ZNF229: variants seen among roughly 807,000 people sequenced by gnomAD.
ZNF229 encodes zinc finger protein 229.
In ZNF229, 10 loss-of-function variants were observed where a neutral mutation model predicts 11.8. That is an observed-to-expected ratio of 0.85 (90% confidence interval 0.52 to 1.44). The LOEUF is 1.44. Ranked by LOEUF, ZNF229 falls within the 40% of genes most tolerant of loss-of-function variation. The probability of loss-of-function intolerance (pLI) is 0.00; values close to 1 mark genes in which losing one functional copy is unlikely to be tolerated. For missense variants in ZNF229, 1,045 were observed against 1,015.1 expected (o/e 1.03, Z -0.40); for synonymous variants, 368 against 374.8 (o/e 0.98, Z 0.21).
chr19:44,430,329 A>G lies in ZNF229; in HGVS notation c.452T>C (p.Phe151Ser), dbSNP rs1568403042. Residue 151 changes from phenylalanine to serine, a missense_variant, in exon 6 of 6, where the codon TTT becomes TCT. Coordinates refer to ENST00000614049, the MANE Select transcript of ZNF229 (RefSeq NM_014518.4). ...QGWEGASTPC[F>S]PIENFLDSLQ... is the part of the protein sequence containing the mutation. ...ACTGTCCAGGAAATTCTCAATTGGA[A>G]AACACGGCGTAGATGCTCCTTCCCA... 1.9e-6 allele frequency: 3 copies of G among 1,614,048 alleles called. No individual in the cohort carries two copies. Among genetic ancestry groups the G allele is most frequent in the Middle Eastern group, 1.7e-4 (1 of 6,060 alleles).
In ZNF229 at chr19:44,429,570, G is replaced by A. The variant is rs187952648; in HGVS notation, c.1211C>T (p.Pro404Leu). 3.2e-5 allele frequency: 51 copies of A among 1,614,030 alleles called. No individual in the cohort carries two copies. The Admixed American group carries it at 3.8e-4, about 12-fold the overall frequency. The part of the protein sequence containing the change: ...VHQRVHTGEK[P>L]YKCSECGKGF... ...CTTCCCACACTCGCTGCATTTATAT[G>A]GTTTCTCTCCAGTGTGGACCCTCTG... The change falls in exon 6 of 6, where the codon CCA becomes CTA. Residue 404 changes from proline (P) to leucine (L), a missense_variant. Transcript: ENST00000614049.
chr19:44,430,150 T>C lies in ZNF229; in HGVS notation c.631A>G (p.Thr211Ala). ...ERCKNLDTEDTVYKCNWDDDS... is the reference protein window; with the variant it reads ...ERCKNLDTEDAVYKCNWDDDS... ...TCATCCCAGTTACATTTATATACTG[T>C]GTCTTCTGTGTCGAGATTTTTACAT... Residue 211 changes from threonine (T) to alanine (A), a missense_variant, in exon 6 of 6, where the codon ACA becomes GCA. Physicochemically the swap from Thr to Ala is moderately conservative, Grantham distance 58. Transcript: ENST00000614049. 1.9e-6 allele frequency: 3 copies of C among 1,614,144 alleles called. No homozygotes were observed. Among genetic ancestry groups the C allele is most frequent in the Non-Finnish European group, 2.5e-6 (3 of 1,180,036 alleles).
At position 44,432,369 on chromosome 19, in the gene ZNF229, A is replaced by G; in HGVS notation, c.94-3T>C. The G allele has an allele frequency of 6.2e-7, 1 of 1,613,064 alleles. No homozygotes were observed. Among genetic ancestry groups the G allele is most frequent in the South Asian group, 1.1e-5 (1 of 90,884 alleles). On this transcript the variant is annotated splice_region_variant and splice_polypyrimidine_tract_variant and intron_variant, in intron 4 of 5. Coordinates refer to ENST00000614049, the MANE Select transcript of ZNF229 (RefSeq NM_014518.4). Reference sequence around the variant, plus strand: ...ACGTCCTTGAAGCTCAATGGCTCCTAAAATGAAAAACCATTAACACAAACA... The same window carrying G: ...ACGTCCTTGAAGCTCAATGGCTCCTGAAATGAAAAACCATTAACACAAACA...
rs1231461860 is a variant in ZNF229 at position 44,427,498 on chromosome 19, T to TTAA, written c.*804_*805insTTA. 6.6e-6 allele frequency: 1 copy of TTAA among 150,802 alleles called. No homozygotes were observed. Among genetic ancestry groups the TTAA allele is most frequent in the African/African-American group, 2.4e-5 (1 of 40,850 alleles). The allele number at this position is 150,802 out of a possible 1,614,324, so 9.3% of individuals were successfully genotyped here. The stretch of plus-strand genomic sequence containing the variant: ...GGACCATATGAAATACTATCAGTGG[T>TTAA]AAAAAAAAAGTCATTTTTTTAAAGT... On this transcript the variant is annotated 3_prime_UTR_variant, in exon 6 of 6. Coordinates refer to ENST00000614049, the MANE Select transcript of ZNF229 (RefSeq NM_014518.4).
chr19:44,435,331 A>C (rs1971794026), intron 4 of ZNF229, among the ~76,000 whole-genome samples: 1 of 152,206 alleles, frequency 6.6e-6, no homozygotes, highest in Non-Finnish European at 1.5e-5. Flanking sequence ...ACAGGAGCTG[A>C]TATACAGTGA....
In ZNF229 at chr19:44,426,756, C is replaced by G. The variant is rs1411915967; in HGVS notation, c.*1547G>C. ...AAGTGGGCAACTATCTCCCAAGTAT[C>G]AATTACTACATATTTACTGCCACTT... On this transcript the variant is annotated 3_prime_UTR_variant, in exon 6 of 6. Coordinates refer to ENST00000614049, the MANE Select transcript of ZNF229 (RefSeq NM_014518.4). 1.3e-5 allele frequency: 2 copies of G among 152,138 alleles called. No homozygotes were observed. The highest frequency in any genetic ancestry group is 2.9e-5 in the Non-Finnish European group (2 of 68,028). The allele number at this position is 152,138 out of a possible 1,614,324, so 9.4% of individuals were successfully genotyped here. A position where few individuals can be genotyped will look rare whatever the true frequency, so the allele number is the denominator to read the frequency against.
At chr19:44,440,651 C>G (rs1038916072) in intron 4 of ZNF229, among the ~76,000 whole-genome samples, 2 of 152,138 alleles carry the variant, frequency 1.3e-5, no homozygotes, top group African/African-American at 4.8e-5. Context: ...ATGACACAAC[C>G]TGTACTGAGT....
At chr19:44,439,302 T>C (rs1971867724) in intron 4 of ZNF229, among the ~76,000 whole-genome samples, 1 of 152,180 alleles carries the variant, frequency 6.6e-6, no homozygotes, top group Non-Finnish European at 1.5e-5. Context: ...TATTCAGACA[T>C]TTACATCATA....
At position 44,432,028 on chromosome 19, in the gene ZNF229, T is replaced by A. The variant is rs560405210; in HGVS notation, c.238+194A>T. 2.7e-5 allele frequency: 32 copies of A among 1,165,162 alleles called. No individual in the cohort carries two copies. The African/African-American group carries it at 4.5e-4, about 16-fold the overall frequency. The allele number at this position is 1,165,162 out of a possible 1,614,324, so 72.2% of individuals were successfully genotyped here. On this transcript the variant is annotated intron_variant, in intron 5 of 5. Coordinates refer to ENST00000614049, the MANE Select transcript of ZNF229 (RefSeq NM_014518.4). The stretch of plus-strand genomic sequence containing the variant: ...CAGAGGGTCCTCACCAGAACCCAAC[T>A]ATGCTGGCACCCTGATCTCAGACTG...
chr19:44,437,418 T>C (rs1971834133), intron 4 of ZNF229, among the ~76,000 whole-genome samples: 1 of 152,080 alleles, frequency 6.6e-6, no homozygotes, highest in South Asian at 2.1e-4. Flanking sequence ...AACCACGAGA[T>C]ACCACCTCAC....
rs753895037 is a variant in ZNF229 at position 44,430,304 on chromosome 19, A to T, written c.477T>A (p.Ser159Arg). The T allele has an allele frequency of 3.1e-6, 5 of 1,614,042 alleles. No homozygotes were observed. The highest frequency in any genetic ancestry group is 4.2e-6 in the Non-Finnish European group (5 of 1,180,020). The change falls in exon 6 of 6, where the codon AGT becomes AGA. Residue 159 changes from serine (S) to arginine (R), a missense_variant. By Grantham distance (110) the Ser-to-Arg change is moderately radical. Coordinates refer to ENST00000614049, the MANE Select transcript of ZNF229 (RefSeq NM_014518.4). The part of the protein sequence containing the change: ...PCFPIENFLD[S>R]LQGDGLIGLE... Reference sequence around the variant, plus strand: ...GACCGATAAGCCCATCCCCTTGTAGACTGTCCAGGAAATTCTCAATTGGAA... The same window carrying T: ...GACCGATAAGCCCATCCCCTTGTAGTCTGTCCAGGAAATTCTCAATTGGAA...
At position 44,429,015 on chromosome 19, in the gene ZNF229, C is replaced by A; in HGVS notation, c.1766G>T (p.Ser589Ile). The change falls in exon 6 of 6, where the codon AGC becomes ATC. Residue 589 changes from serine to isoleucine, a missense_variant. By Grantham distance (142) the Ser-to-Ile change is moderately radical. Coordinates refer to ENST00000614049, the MANE Select transcript of ZNF229 (RefSeq NM_014518.4). ...KGFRRNSDLH[S>I]HQRVHTGERP... The stretch of plus-strand genomic sequence containing the variant: ...CTCTCCCGTGTGGACCCTCTGGTGG[C>A]TGTGAAGGTCTGAATTCCGCCGGAA... 1.9e-6 allele frequency: 3 copies of A among 1,613,066 alleles called. No homozygotes were observed. The highest frequency in any genetic ancestry group is 2.5e-6 in the Non-Finnish European group (3 of 1,179,660).
At chr19:44,435,714 G>C (rs142470681) in intron 4 of ZNF229, among the ~76,000 whole-genome samples, 211 of 152,258 alleles carry the variant, frequency 1.4e-3, no homozygotes, top group African/African-American at 5.0e-3. Context: ...TGTTTACAGA[G>C]GCAAATGCTT....
intron 2 of ZNF229, among the ~76,000 whole-genome samples, chr19:44,445,552 C>G (rs1250103834): frequency 6.6e-6 from 1 of 152,170 alleles, no homozygotes; most frequent in East Asian, 1.9e-4. Context: ...TCATCAGATG[C>G]CTGCAGGCCC....
chr19:44,442,545 G>C lies in ZNF229; in HGVS notation c.93+18C>G. 3.7e-6 allele frequency: 6 copies of C among 1,613,658 alleles called. No homozygotes were observed. The highest frequency in any genetic ancestry group is 4.2e-6 in the Non-Finnish European group (5 of 1,179,656). On this transcript the variant is annotated intron_variant, in intron 4 of 5. Transcript: ENST00000614049. ...ATGCCTAAGGTGGTATTTCGGGAGA[G>C]AAAAGAAAACAACCCACCTGAGACA...
At position 44,428,205 on chromosome 19, in the gene ZNF229, T is replaced by C. The variant is rs763368291; in HGVS notation, c.*98A>G. 6 of 1,337,588 alleles carry C rather than the reference T, an allele frequency of 4.5e-6. 1 individual carries two copies. The highest frequency in any genetic ancestry group is 2.9e-5 in the South Asian group (2 of 68,666). The allele number at this position is 1,337,588 out of a possible 1,614,324, so 82.9% of individuals were successfully genotyped here. On this transcript the variant is annotated 3_prime_UTR_variant, in exon 6 of 6. Transcript: ENST00000614049. Reference sequence around the variant, plus strand: ...AATGTAAAATCATCAGTTTCTCCTATAGCCCTCCTACATGTCACTTTCCTA... The same window carrying C: ...AATGTAAAATCATCAGTTTCTCCTACAGCCCTCCTACATGTCACTTTCCTA...
At chr19:44,436,239 A>T (rs137926389) in intron 4 of ZNF229, among the ~76,000 whole-genome samples, 4 of 152,228 alleles carry the variant, frequency 2.6e-5, no homozygotes, top group African/African-American at 9.6e-5. Context: ...GGCATGTGGT[A>T]GTGTGCACCT....
chr19:44,442,804 T>C lies in ZNF229; in HGVS notation c.34+10A>G, dbSNP rs561839373. On this transcript the variant is annotated intron_variant, in intron 3 of 5. Transcript: ENST00000614049. ...TTCTCCCCCCACCCACCCCCTCTAT[T>C]AGCTGTCACCTCTTTTCTCATGCCT... The C allele has an allele frequency of 1.9e-5, 28 of 1,491,820 alleles. No individual in the cohort carries two copies. Among genetic ancestry groups the C allele is most frequent in the Non-Finnish European group, 2.6e-5 (28 of 1,071,050 alleles). 92.4% of individuals were successfully genotyped at this position (1,491,820 alleles called of 1,614,324 possible).
intron 3 of ZNF229, 55 bp from the exon 4 acceptor site, chr19:44,442,676 A>T (rs1568408279): frequency 6.2e-7 from 1 of 1,608,164 alleles, no homozygotes; most frequent in Admixed American, 1.7e-5. Flanking sequence ...GAAGCTCTAG[A>T]TCATCTACCT....
Sources: allele counts gnomAD v4.1 joint callset (sites outside exome capture counted in the v4.1 genomes callset), GRCh38; gene constraint gnomAD v4.1.1; transcripts MANE v1.5; gene names NCBI Gene and HGNC (gene_info 2026-07-23, HGNC 2026-07-21).